The following FIGN variants were observed in gnomAD, a reference collection of about 807,000 sequenced individuals.
FIGN encodes fidgetin.
FIGN carries 11 observed loss-of-function variants against 51.3 expected under a neutral mutation model. That is an observed-to-expected ratio of 0.21 (90% CI 0.13 to 0.35). The LOEUF is 0.35. Ranked by LOEUF, FIGN falls within the 10% of genes least tolerant of loss-of-function variation. The probability of loss-of-function intolerance (pLI) is 1.00; values close to 1 mark genes in which losing one functional copy is unlikely to be tolerated. For missense variants in FIGN, 857 were observed against 943.6 expected, an observed-to-expected ratio of 0.91 and a Z score of 1.20; for synonymous variants, 407 against 363.2, an observed-to-expected ratio of 1.12 and a Z score of -1.37.
At chr2:163,665,266 A>C (rs986495243) in intron 2 of FIGN, among the ~76,000 whole-genome samples, 1 of 152,230 alleles carries the variant, frequency 6.6e-6, no homozygotes, top group Non-Finnish European at 1.5e-5. Flanking sequence ...CACTCCATCC[A>C]TAGCCTTGCG....
intron 2 of FIGN, among the ~76,000 whole-genome samples, chr2:163,656,212 G>A (rs1340091179): frequency 6.6e-6 from 1 of 152,110 alleles, no homozygotes; most frequent in African/African-American, 2.4e-5. Context: ...GAGACATCTA[G>A]AGATAATTTT....
chr2:163,612,785 A>AAGAG (rs147434594), intron 2 of FIGN, among the ~76,000 whole-genome samples: 194 of 144,194 alleles, frequency 1.3e-3, no homozygotes, highest in Non-Finnish European at 2.4e-3. Context: ...ATGAGAGAGA[A>AAGAG]AGAGAGAGAG....
intron 2 of FIGN, among the ~76,000 whole-genome samples, chr2:163,630,895 C>G (rs377065461): frequency 2.0e-5 from 3 of 152,138 alleles, no homozygotes; most frequent in Non-Finnish European, 4.4e-5. Context: ...AAACAGGTTT[C>G]GTCTTCATCA....
chr2:163,677,575 TC>T (rs747138441), intron 2 of FIGN, among the ~76,000 whole-genome samples: 2 of 152,248 alleles, frequency 1.3e-5, no homozygotes, highest in African/African-American at 2.4e-5. Context: ...GAGAAGCTAA[TC>T]TTTTTTAAAA....
chr2:163,707,745 T>C (rs1684522995), intron 2 of FIGN, among the ~76,000 whole-genome samples: 1 of 152,116 alleles, frequency 6.6e-6, no homozygotes, highest in African/African-American at 2.4e-5. Context: ...AGTGAAACTA[T>C]CTGTGAAAAG....
chr2:163,633,094 G>T (rs1051216946), intron 2 of FIGN, among the ~76,000 whole-genome samples: 2 of 152,100 alleles, frequency 1.3e-5, no homozygotes, highest in Non-Finnish European at 2.9e-5. Flanking sequence ...TGAGATGGGA[G>T]GATTGCTTGA....
chr2:163,609,448 C>T lies in FIGN; in HGVS notation c.*104G>A, dbSNP rs958442247. 1 of 960,382 alleles carries T rather than the reference C, an allele frequency of 1.0e-6. No individual in the cohort carries two copies. Among genetic ancestry groups the T allele is most frequent in the Admixed American group, 2.6e-5 (1 of 38,372 alleles). The allele number at this position is 960,382 out of a possible 1,614,324, so 59.5% of individuals were successfully genotyped here. ...ACTTAATCGTCATCTTCCCCAGTAC[C>T]CTTTGCAATTTAAACTCTACTGGAA... On this transcript the variant is annotated 3_prime_UTR_variant, in exon 3 of 3. Coordinates refer to ENST00000333129, the MANE Select transcript of FIGN (RefSeq NM_018086.4).
Position 163,609,827 on chromosome 2 carries a change from G to C in FIGN, c.2005C>G (p.His669Asp). Reference protein sequence around the residue: ...HQIIVQLLSQHNYCLNDKEFA... With the variant: ...HQIIVQLLSQDNYCLNDKEFA... ...TCCTTGTCATTGAGACAGTAATTGT[G>C]CTGTGAGAGCAGTTGTACTATTATC... Residue 669 changes from histidine to aspartate, a missense_variant, in exon 3 of 3, where the codon CAC (histidine) becomes GAC (aspartate). Transcript: ENST00000333129. The C allele has an allele frequency of 6.2e-7, 1 of 1,614,164 alleles. No homozygotes were observed. The highest frequency in any genetic ancestry group is 2.2e-5 in the East Asian group (1 of 44,860).
chr2:163,614,648 G>A (rs1682839610), intron 2 of FIGN, among the ~76,000 whole-genome samples: 1 of 152,044 alleles, frequency 6.6e-6, no homozygotes, highest in Admixed American at 6.6e-5. Flanking sequence ...TAATTTAGAA[G>A]TACAGGCAAT....
In FIGN at chr2:163,655,437, T is replaced by G. The variant is rs557421977; in HGVS notation, c.26-43631A>C. ...ACAACTATACAGCCCATGACAGGTT[T>G]TCAATTGACACTGGAAACAACAATC... On this transcript the variant is annotated intron_variant, in intron 2 of 2. Transcript: ENST00000333129. Among the ~76,000 whole-genome samples, 6 of 152,254 alleles carry G rather than the reference T, an allele frequency of 3.9e-5. No individual in the cohort carries two copies. The South Asian group carries it at 1.2e-3, about 32-fold the overall frequency.
At chr2:163,658,808 G>A (rs1038074315) in intron 2 of FIGN, among the ~76,000 whole-genome samples, 1 of 152,188 alleles carries the variant, frequency 6.6e-6, no homozygotes, top group Non-Finnish European at 1.5e-5. Flanking sequence ...CGATTAGGCA[G>A]GGCCAAACAA....
intron 2 of FIGN, among the ~76,000 whole-genome samples, chr2:163,706,389 C>G (rs1048788296): frequency 5.3e-5 from 8 of 152,102 alleles, no homozygotes; most frequent in Non-Finnish European, 1.2e-4. Context: ...AAGATGGCGG[C>G]TTAATAGTTT....
chr2:163,706,669 A>G (rs1684504265), intron 2 of FIGN, among the ~76,000 whole-genome samples: 1 of 152,148 alleles, frequency 6.6e-6, no homozygotes, highest in Non-Finnish European at 1.5e-5. Context: ...TCACATGTAG[A>G]CTGCATATGC....
At chr2:163,657,540 A>T (rs1281284581) in intron 2 of FIGN, among the ~76,000 whole-genome samples, 2 of 144,088 alleles carry the variant, frequency 1.4e-5, no homozygotes, top group African/African-American at 5.1e-5. Flanking sequence ...GTGCATGCAC[A>T]TGAGTATGTT....
At chr2:163,636,440 C>T (rs1473751532) in intron 2 of FIGN, among the ~76,000 whole-genome samples, 1 of 152,114 alleles carries the variant, frequency 6.6e-6, no homozygotes, top group Non-Finnish European at 1.5e-5. Flanking sequence ...CATGTGCCAC[C>T]AAGCCCAGCT....
At chr2:163,732,452 T>G (rs1305168963) in intron 2 of FIGN, among the ~76,000 whole-genome samples, 1 of 152,220 alleles carries the variant, frequency 6.6e-6, no homozygotes, top group African/African-American at 2.4e-5. Flanking sequence ...TGAAAAACTC[T>G]TGACTCTCTA....
At chr2:163,658,524 C>T (rs11889347) in intron 2 of FIGN, among the ~76,000 whole-genome samples, 8,654 of 152,114 alleles carry the variant, frequency 0.057, 755 homozygotes, top group African/African-American at 0.19. Flanking sequence ...AGCATGGCAC[C>T]AGCATCTGCT....
chr2:163,689,257 A>G (rs2105344230), intron 2 of FIGN, among the ~76,000 whole-genome samples: 1 of 152,116 alleles, frequency 6.6e-6, no homozygotes. Flanking sequence ...TAGCTCTGGC[A>G]TCAAGTCTTT....
intron 2 of FIGN, among the ~76,000 whole-genome samples, chr2:163,724,138 C>T (rs148025881): frequency 1.9e-3 from 294 of 152,220 alleles, no homozygotes; most frequent in African/African-American, 6.3e-3. Context: ...AACTAAGGCT[C>T]AGTGAGGTTG....
Sources: allele counts gnomAD v4.1 joint callset (sites outside exome capture counted in the v4.1 genomes callset), GRCh38; gene constraint gnomAD v4.1.1; transcripts MANE v1.5; gene names NCBI Gene and HGNC (gene_info 2026-07-23, HGNC 2026-07-21).